CCSER1: variants seen among roughly 807,000 people sequenced by gnomAD.
CCSER1 encodes coiled-coil serine rich protein 1, also known as serine-rich coiled-coil domain-containing protein 1.
CCSER1 carries 41 observed loss-of-function variants against 82.0 expected under a neutral mutation model. The ratio of observed to expected loss-of-function variants is 0.50; its 90% confidence interval spans 0.39 to 0.65. CCSER1 has a LOEUF of 0.65. Ranked by LOEUF, CCSER1 falls within the 30% of genes least tolerant of loss-of-function variation. The pLI is 0.00. For missense variants in CCSER1, 1,119 were observed against 1,064.2 expected, an observed-to-expected ratio of 1.05 and a Z score of -0.72; for synonymous variants, 414 against 383.9, an observed-to-expected ratio of 1.08 and a Z score of -0.92.
intron 9 of CCSER1, among the ~76,000 whole-genome samples, chr4:91,069,491 A>G (rs949276487): frequency 6.6e-5 from 10 of 152,194 alleles, no homozygotes; most frequent in Non-Finnish European, 1.5e-4. Context: ...TTTAATTAAT[A>G]TTAGTTTAGT....
chr4:90,756,194 C>T (rs1749493861), intron 7 of CCSER1, among the ~76,000 whole-genome samples: 2 of 152,138 alleles, frequency 1.3e-5, no homozygotes, highest in South Asian at 4.1e-4. Flanking sequence ...TTCTACTGCA[C>T]TCCAGCCTGG....
intron 8 of CCSER1, among the ~76,000 whole-genome samples, chr4:90,830,028 T>G (rs1760937136): frequency 1.3e-5 from 2 of 152,210 alleles, no homozygotes; most frequent in African/African-American, 4.8e-5. Flanking sequence ...ACACTTCTAA[T>G]GTTAGCCTGT....
intron 8 of CCSER1, among the ~76,000 whole-genome samples, chr4:90,905,109 G>A (rs984187586): frequency 6.6e-6 from 1 of 151,954 alleles, no homozygotes; most frequent in African/African-American, 2.4e-5. Flanking sequence ...AAAATAGATA[G>A]GACTCTATCC....
At chr4:90,754,646 C>T (rs1351373280) in intron 7 of CCSER1, among the ~76,000 whole-genome samples, 1 of 152,136 alleles carries the variant, frequency 6.6e-6, no homozygotes, top group African/African-American at 2.4e-5. Context: ...TCACTCACCT[C>T]GGAAACAGTG....
At chr4:90,976,718 T>C (rs1208561042) in intron 9 of CCSER1, among the ~76,000 whole-genome samples, 1 of 151,422 alleles carries the variant, frequency 6.6e-6, no homozygotes. Context: ...ATGAAGGAAA[T>C]GTTGCCAAAG....
At chr4:90,782,681 C>CTTTTTTTTTTTTTT (rs200701722) in intron 7 of CCSER1, among the ~76,000 whole-genome samples, 30 of 123,964 alleles carry the variant, frequency 2.4e-4, no homozygotes, top group East Asian at 5.0e-4. Flanking sequence ...TCTTTTCTTT[C>CTTTTTTTTTTTTTT]TTTCTTTTTT....
intron 8 of CCSER1, among the ~76,000 whole-genome samples, chr4:90,828,525 T>C (rs1278020921): frequency 6.6e-6 from 1 of 152,152 alleles, no homozygotes; most frequent in East Asian, 1.9e-4. Flanking sequence ...CTGGAGATTG[T>C]TTTTAAAAAT....
chr4:91,348,751 A>AT (rs1180982156), intron 10 of CCSER1, among the ~76,000 whole-genome samples: 2 of 152,018 alleles, frequency 1.3e-5, no homozygotes, highest in Admixed American at 1.3e-4. Context: ...TGTTCACAAT[A>AT]TTTTTTTATA....
intron 9 of CCSER1, among the ~76,000 whole-genome samples, chr4:91,010,135 CTTCAT>C (rs1273674391): frequency 1.3e-5 from 2 of 151,900 alleles, no homozygotes; most frequent in Non-Finnish European, 2.9e-5. Flanking sequence ...ACTATTTCTC[CTTCAT>C]TTCTTAAGGA....
chr4:91,328,374 A>G (rs146495123), intron 10 of CCSER1, among the ~76,000 whole-genome samples: 1 of 152,314 alleles, frequency 6.6e-6, no homozygotes, highest in African/African-American at 2.4e-5. Context: ...AGCAGGAAAG[A>G]AAGTGTAGGA....
At chr4:90,817,027 G>A (rs1759109692) in intron 8 of CCSER1, among the ~76,000 whole-genome samples, 1 of 152,044 alleles carries the variant, frequency 6.6e-6, no homozygotes, top group Admixed American at 6.6e-5. Flanking sequence ...CAGACAAAAG[G>A]AACACGTGTT....
At position 90,648,153 on chromosome 4, in the gene CCSER1, T is replaced by C. The variant is rs550383949; in HGVS notation, c.1932+19921T>C. Among the ~76,000 whole-genome samples, 32 of 151,950 alleles carry C rather than the reference T, an allele frequency of 2.1e-4. 1 individual carries two copies. In the South Asian group the frequency reaches 6.2e-3, roughly 30 times the overall value. On this transcript the variant is annotated intron_variant, in intron 6 of 10. Transcript: ENST00000509176. ...GTAGTTATAGAATTCAGTTTAGACA[T>C]AGACTCACAGTTTTTTGTTCAGTTT...
intron 10 of CCSER1, among the ~76,000 whole-genome samples, chr4:91,450,825 G>T (rs1755830709): frequency 6.6e-6 from 1 of 151,958 alleles, no homozygotes; most frequent in African/African-American, 2.4e-5. Context: ...TCATGGGAAA[G>T]AAATGGGTGA....
intron 1 of CCSER1, among the ~76,000 whole-genome samples, chr4:90,154,360 G>C (rs1164013168): frequency 6.6e-6 from 1 of 152,104 alleles, no homozygotes; most frequent in East Asian, 1.9e-4. Flanking sequence ...GTGGCGATGC[G>C]GGCTCTTTTT....
At chr4:91,295,428 C>T (rs1744079334) in intron 10 of CCSER1, among the ~76,000 whole-genome samples, 1 of 151,624 alleles carries the variant, frequency 6.6e-6, no homozygotes, top group Admixed American at 6.6e-5. Context: ...CCAAAAATAC[C>T]ATAAAGATTT....
At chr4:90,264,182 C>A (rs895163979) in intron 1 of CCSER1, among the ~76,000 whole-genome samples, 1 of 152,104 alleles carries the variant, frequency 6.6e-6, no homozygotes, top group Non-Finnish European at 1.5e-5. Context: ...TGTCAATATT[C>A]TCTTCTTCCA....
Position 91,281,285 on chromosome 4 carries a change from T to A in CCSER1, c.2217+195291T>A, listed in dbSNP as rs77337498. ...TCAAAATGTGATTATCTATTCACTC[T>A]TTTGGTTCTTATCTGTGGAGGGATC... On this transcript the variant is annotated intron_variant, in intron 10 of 10. Transcript: ENST00000509176. 2.2e-4 allele frequency among the ~76,000 whole-genome samples: 33 copies of A among 152,334 alleles called. No individual in the cohort carries two copies. In the East Asian group the frequency reaches 6.4e-3, roughly 29 times the overall value.
chr4:90,659,351 C>T (rs1339081175), intron 6 of CCSER1, among the ~76,000 whole-genome samples: 1 of 152,084 alleles, frequency 6.6e-6, no homozygotes, highest in Non-Finnish European at 1.5e-5. Flanking sequence ...CTTCTAGCAC[C>T]TAGCAGTTTG....
intron 9 of CCSER1, among the ~76,000 whole-genome samples, chr4:90,950,624 T>G (rs544866274): frequency 6.6e-6 from 1 of 152,254 alleles, no homozygotes; most frequent in Admixed American, 6.5e-5. Flanking sequence ...TACAGGCTTT[T>G]GTGTAACTAT....
Sources: gnomAD v4.1 joint callset for allele counts (sites outside exome capture counted in the v4.1 genomes callset) on GRCh38, gnomAD v4.1.1 for gene constraint, MANE v1.5 for transcripts, NCBI Gene and HGNC (gene_info 2026-07-23, HGNC 2026-07-21) for gene names.